RYR3: variants seen among roughly 807,000 people sequenced by gnomAD.
RYR3 encodes the protein brain ryanodine receptor-calcium release channel.
Under a neutral mutation model 584.3 loss-of-function variants are expected in RYR3, and 207 were observed. The ratio of observed to expected loss-of-function variants is 0.35; its 90% CI spans 0.32 to 0.40. The LOEUF is 0.40. Ranked by LOEUF, RYR3 falls within the 10% of genes least tolerant of loss-of-function variation. The pLI, the probability that RYR3 is intolerant of heterozygous loss-of-function variation, is 1.00. For missense variants in RYR3, 5,616 were observed against 6,089.2 expected, an observed-to-expected ratio of 0.92 and a Z score of 2.59; for synonymous variants, 2,416 against 2,248.5, an observed-to-expected ratio of 1.07 and a Z score of -2.11.
chr15:33,813,148 G>A (rs1337824811), intron 73 of RYR3, among the ~76,000 whole-genome samples, 154 bp downstream of exon 73: 1 of 152,158 alleles, frequency 6.6e-6, no homozygotes, highest in African/African-American at 2.4e-5. Context: ...GTGCCATCTC[G>A]ATGCCCTGTG....
At position 33,782,936 on chromosome 15, in the gene RYR3, G is replaced by T. The variant is rs544018298; in HGVS notation, c.9268+2595G>T. 4.6e-5 allele frequency among the ~76,000 whole-genome samples: 7 copies of T among 152,260 alleles called. No homozygotes were observed. In the South Asian group the frequency reaches 1.5e-3, roughly 32 times the overall value. On this transcript the variant is annotated intron_variant, in intron 65 of 103. Coordinates refer to ENST00000634891, the MANE Select transcript of RYR3 (RefSeq NM_001036.6). ...ATGGGTGGCAGTGATCTATTAATCA[G>T]AACACTAGATGTCAGACCAAAGCAT...
intron 1 of RYR3, among the ~76,000 whole-genome samples, chr15:33,429,046 T>C (rs994520514): frequency 6.6e-6 from 1 of 152,168 alleles, no homozygotes; most frequent in African/African-American, 2.4e-5. Context: ...AAAACGACAC[T>C]TTGTTTAGTG....
At chr15:33,769,503 C>A (rs564451257) in intron 62 of RYR3, among the ~76,000 whole-genome samples, 4 of 151,614 alleles carry the variant, frequency 2.6e-5, no homozygotes, top group Non-Finnish European at 5.9e-5. Flanking sequence ...TGAACCACAG[C>A]GCTCTGAATT....
intron 82 of RYR3, 127 bp from the exon 83 acceptor site, chr15:33,826,125 C>T (rs541208156): frequency 2.3e-5 from 20 of 865,750 alleles, no homozygotes; most frequent in African/African-American, 6.6e-5. Context: ...ATGCTTCCAT[C>T]GGTAGCTTTA....
At chr15:33,455,136 G>A (rs973510005) in intron 1 of RYR3, among the ~76,000 whole-genome samples, 3 of 152,196 alleles carry the variant, frequency 2.0e-5, no homozygotes, top group Non-Finnish European at 4.4e-5. Context: ...CAGAGCAGCT[G>A]TGGATGACTT....
intron 38 of RYR3, among the ~76,000 whole-genome samples, chr15:33,680,571 G>T (rs534346803): frequency 1.3e-5 from 2 of 152,220 alleles, no homozygotes; most frequent in African/African-American, 4.8e-5. Context: ...TGCAAGCAAG[G>T]ATCCCGAGAT....
intron 45 of RYR3, among the ~76,000 whole-genome samples, chr15:33,726,154 G>A (rs568654004): frequency 2.6e-5 from 4 of 152,224 alleles, no homozygotes; most frequent in African/African-American, 9.6e-5. Flanking sequence ...TTTAATAACA[G>A]CAAAGGAATC....
chr15:33,620,996 T>C (rs1456405320), intron 19 of RYR3, among the ~76,000 whole-genome samples: 1 of 152,268 alleles, frequency 6.6e-6, no homozygotes, highest in African/African-American at 2.4e-5. Context: ...TTACAGTTTA[T>C]GTGGCCATTA....
chr15:33,451,736 C>T (rs2047147724), intron 1 of RYR3, among the ~76,000 whole-genome samples: 1 of 152,138 alleles, frequency 6.6e-6, no homozygotes, highest in South Asian at 2.1e-4. Context: ...AAAGTTGAAG[C>T]CTGAAAATTT....
At chr15:33,770,379 T>C (rs2073470854) in intron 62 of RYR3, among the ~76,000 whole-genome samples, 1 of 152,008 alleles carries the variant, frequency 6.6e-6, no homozygotes, top group Non-Finnish European at 1.5e-5. Flanking sequence ...TTGTTTTATT[T>C]TGTTTTGTTT....
intron 102 of RYR3, among the ~76,000 whole-genome samples, chr15:33,863,511 A>G (rs969722186): frequency 1.3e-5 from 2 of 152,186 alleles, no homozygotes; most frequent in African/African-American, 2.4e-5. Flanking sequence ...TCCTTTGGAA[A>G]CGGTCTCTGA....
intron 19 of RYR3, among the ~76,000 whole-genome samples, chr15:33,618,081 T>C (rs1049657406): frequency 6.6e-6 from 1 of 152,162 alleles, no homozygotes; most frequent in African/African-American, 2.4e-5. Flanking sequence ...GTTGATCTTA[T>C]ATACACCCCA....
chr15:33,320,370 G>A (rs1595703906), intron 1 of RYR3, among the ~76,000 whole-genome samples: 1 of 152,222 alleles, frequency 6.6e-6, no homozygotes, highest in Non-Finnish European at 1.5e-5. Flanking sequence ...TCATATGGAT[G>A]TAGACATCAT....
chr15:33,546,667 C>T (rs1315899698), intron 8 of RYR3, among the ~76,000 whole-genome samples: 3 of 151,928 alleles, frequency 2.0e-5, no homozygotes, highest in African/African-American at 7.3e-5. Flanking sequence ...TTATAAGTAC[C>T]CTTATTAGAA....
At chr15:33,796,186 G>A (rs1359189479) in intron 67 of RYR3, among the ~76,000 whole-genome samples, 2 of 152,162 alleles carry the variant, frequency 1.3e-5, no homozygotes, top group African/African-American at 4.8e-5. Context: ...CCAGGCTGGA[G>A]TGCAGTGGCG....
chr15:33,610,597 AAG>A (rs2060133438), intron 18 of RYR3, among the ~76,000 whole-genome samples: 1 of 152,354 alleles, frequency 6.6e-6, no homozygotes, highest in African/African-American at 2.4e-5. Flanking sequence ...ATTAATTAAA[AAG>A]AGCACAGTGA....
chr15:33,819,556 C>G (rs955173707), intron 76 of RYR3, among the ~76,000 whole-genome samples, 200 bp from the exon 77 acceptor site: 1 of 151,968 alleles, frequency 6.6e-6, no homozygotes, highest in African/African-American at 2.4e-5. Flanking sequence ...CACCTGTAAT[C>G]CCAGCTACTG....
intron 1 of RYR3, among the ~76,000 whole-genome samples, chr15:33,454,264 A>C (rs2047363569): frequency 6.6e-6 from 1 of 152,242 alleles, no homozygotes; most frequent in Non-Finnish European, 1.5e-5. Flanking sequence ...AACTGGCCAG[A>C]GGAGGCAGTT....
chr15:33,692,113 T>C (rs1156920024), intron 38 of RYR3, among the ~76,000 whole-genome samples: 1 of 152,222 alleles, frequency 6.6e-6, no homozygotes. Flanking sequence ...ATGCATTAAT[T>C]ACTTTAATCA....
Sources: gnomAD v4.1 joint callset for allele counts (sites outside exome capture counted in the v4.1 genomes callset) on GRCh38, gnomAD v4.1.1 for gene constraint, MANE v1.5 for transcripts, NCBI Gene and HGNC (gene_info 2026-07-23, HGNC 2026-07-21) for gene names.